The following MKI67 variants were observed in gnomAD, a reference collection of about 807,000 sequenced individuals.
MKI67 encodes the protein marker of proliferation Ki-67.
A neutral mutation model predicts 233.5 loss-of-function variants in MKI67; 152 were observed. That is an observed-to-expected ratio of 0.65 (90% CI 0.57 to 0.74). The LOEUF (loss-of-function observed/expected upper bound fraction) is 0.74, where lower values mean the gene tolerates loss of function less well. Among genes scored for constraint, MKI67 ranks in the 30% least tolerant of loss-of-function variants. The pLI, the probability that MKI67 is intolerant of heterozygous loss-of-function variation, is 0.00. For missense variants in MKI67, 3,940 were observed against 3,885.2 expected, an observed-to-expected ratio of 1.01 and a Z score of -0.37; for synonymous variants, 1,465 against 1,418.5, an observed-to-expected ratio of 1.03 and a Z score of -0.74.
Position 128,111,949 on chromosome 10 carries a change from T to C in MKI67, c.2066A>G (p.Gln689Arg), listed in dbSNP as rs374391024. 1.1e-4 allele frequency: 177 copies of C among 1,612,330 alleles called. No individual in the cohort carries two copies. Among genetic ancestry groups the C allele is most frequent in the South Asian group, 1.4e-4 (13 of 90,448 alleles). ...HGPQRSMNKR[Q>R]RRPATPKKPV... ...TACCTTTGGAGTAGCAGGTCTTCTT[T>C]GCCTTTTGTTCATTGACCTTTGAGG... is the stretch of plus-strand genomic sequence containing the variant. Residue 689 changes from glutamine to arginine, a missense_variant, in exon 10 of 15, where the codon CAA (glutamine) becomes CGA (arginine). Gln to Arg is a conservative substitution (Grantham distance 43). Coordinates refer to ENST00000368654, the MANE Select transcript of MKI67 (RefSeq NM_002417.5).
Position 128,106,936 on chromosome 10 carries a change from G to A in MKI67, c.4904C>T (p.Thr1635Ile). 1 of 1,613,996 alleles carries A rather than the reference G, an allele frequency of 6.2e-7. No homozygotes were observed. Among genetic ancestry groups the A allele is most frequent in the Non-Finnish European group, 8.5e-7 (1 of 1,180,004 alleles). Residue 1635 changes from threonine to isoleucine, a missense_variant, in exon 13 of 15, where the codon ACA becomes ATA. Transcript: ENST00000368654. ...NPASSKRRLK[T>I]SLGKVGVKEE... ...TTTCACGCCCACTTTCCCCAGGGAT[G>A]TCTTGAGCCGTCGCTTGGAGCTTGC...
At chr10:128,099,490 A>C (rs1432960093) in intron 14 of MKI67, among the ~76,000 whole-genome samples, 2 of 152,220 alleles carry the variant, frequency 1.3e-5, no homozygotes, top group African/African-American at 4.8e-5. Context: ...TGATCTTTTC[A>C]TACAGAAGTT....
Position 128,104,061 on chromosome 10 carries a change from T to C in MKI67, c.7779A>G (p.Leu2593=). ...TCTTTGTGCTCGTGGCAGTGTCTGT[T>C]AGTTCTGGTGGGGGAGATTTGCAGG... ...KIPCKSPPPE[L]TDTATSTKRC... The change falls in exon 13 of 15, where the codon CTA becomes CTG. Residue 2593 remains leucine, a synonymous_variant. Transcript: ENST00000368654. 6.2e-7 allele frequency: 1 copy of C among 1,613,970 alleles called. No individual in the cohort carries two copies. Among genetic ancestry groups the C allele is most frequent in the Non-Finnish European group, 8.5e-7 (1 of 1,180,010 alleles).
Position 128,106,329 on chromosome 10 carries a change from C to G in MKI67, c.5511G>C (p.Glu1837Asp), listed in dbSNP as rs200104961. Residue 1837 changes from glutamate to aspartate, a missense_variant, in exon 13 of 15, where the codon GAG becomes GAC. Physicochemically the swap from Glu to Asp is conservative, Grantham distance 45. Coordinates refer to ENST00000368654, the MANE Select transcript of MKI67 (RefSeq NM_002417.5). ...QALEELTGFR[E>D]LFQTPCTDNP... ...TATCAGTGCATGGTGTCTGGAAAAG[C>G]TCTCTGAAGCCAGTCAGTTCTTCTA... 1.5e-5 allele frequency: 24 copies of G among 1,613,696 alleles called. No individual in the cohort carries two copies. The highest frequency in any genetic ancestry group is 2.0e-5 in the Non-Finnish European group (24 of 1,179,984).
chr10:128,106,614 T>G lies in MKI67; in HGVS notation c.5226A>C (p.Pro1742=). 6.2e-7 allele frequency: 1 copy of G among 1,614,248 alleles called. No individual in the cohort carries two copies. Among genetic ancestry groups the G allele is most frequent in the Non-Finnish European group, 8.5e-7 (1 of 1,180,040 alleles). Residue 1742 remains proline (P), a synonymous_variant, in exon 13 of 15, where the codon CCA becomes CCC. Coordinates refer to ENST00000368654, the MANE Select transcript of MKI67 (RefSeq NM_002417.5). The part of the protein sequence containing the change: ...TTKVSYRASQ[P]DLVDTPTSSK... ...AGCTTGTTGGGGTGTCCACTAGGTC[T>G]GGCTGTGAAGCTCTGTAGGATACTT...
chr10:128,124,091 T>C (rs1853007987), intron 2 of MKI67, among the ~76,000 whole-genome samples: 1 of 152,152 alleles, frequency 6.6e-6, no homozygotes, highest in Non-Finnish European at 1.5e-5. Context: ...AATTATAAAA[T>C]CTTGCATGAA....
chr10:128,110,320 A>G (rs1225280624), intron 12 of MKI67, 58 bp downstream of exon 12: 1 of 1,333,374 alleles, frequency 7.5e-7, no homozygotes, highest in Non-Finnish European at 1.0e-6. Flanking sequence ...TTGTAAAAAA[A>G]TAATACTGTA....
chr10:128,101,899 G>A (rs1464190842), intron 13 of MKI67, among the ~76,000 whole-genome samples, 198 bp from the exon 14 acceptor site: 1 of 152,168 alleles, frequency 6.6e-6, no homozygotes, highest in Non-Finnish European at 1.5e-5. Flanking sequence ...AGAAATGACT[G>A]TCTCTGCTGA....
At chr10:128,122,319 C>A (rs1195809700) in intron 4 of MKI67, among the ~76,000 whole-genome samples, 1 of 152,106 alleles carries the variant, frequency 6.6e-6, no homozygotes, top group African/African-American at 2.4e-5. Flanking sequence ...TCCCTAATCT[C>A]CACTTATAAT....
chr10:128,106,710 C>G lies in MKI67; in HGVS notation c.5130G>C (p.Leu1710=). The change falls in exon 13 of 15, where the codon CTG becomes CTC. Residue 1710 remains leucine (L), a synonymous_variant. Coordinates refer to ENST00000368654, the MANE Select transcript of MKI67 (RefSeq NM_002417.5). ...PKGKSEVPED[L]AGFIELFQTP... is the part of the protein sequence containing the mutation. Reference sequence around the variant, plus strand: ...TCTGGAAGAGCTCGATGAAGCCGGCCAGGTCTTCAGGGACTTCAGACTTTC... The same window carrying G: ...TCTGGAAGAGCTCGATGAAGCCGGCGAGGTCTTCAGGGACTTCAGACTTTC... The G allele has an allele frequency of 1.2e-6, 2 of 1,614,082 alleles. No individual in the cohort carries two copies. The highest frequency in any genetic ancestry group is 2.2e-5 in the South Asian group (2 of 91,082).
rs761164595 is a variant in MKI67 at position 128,106,836 on chromosome 10, T to G, written c.5004A>C (p.Gly1668=). ...ETTHTHTEPT[G]DGKSMKAFME... Reference sequence around the variant, plus strand: ...TAAATGCTTTCATGCTCTTACCATCTCCTGTTGGCTCTGTGTGTGTGTGTG... The same window carrying G: ...TAAATGCTTTCATGCTCTTACCATCGCCTGTTGGCTCTGTGTGTGTGTGTG... The change falls in exon 13 of 15, where the codon GGA becomes GGC. Residue 1668 remains glycine, a synonymous_variant. Coordinates refer to ENST00000368654, the MANE Select transcript of MKI67 (RefSeq NM_002417.5). The G allele has an allele frequency of 1.2e-6, 2 of 1,614,160 alleles. No individual in the cohort carries two copies. The highest frequency in any genetic ancestry group is 1.1e-5 in the South Asian group (1 of 91,090).
chr10:128,103,719 T>C lies in MKI67; in HGVS notation c.8121A>G (p.Glu2707=), dbSNP rs748326017. The C allele has an allele frequency of 6.2e-7, 1 of 1,614,108 alleles. No homozygotes were observed. Among genetic ancestry groups the C allele is most frequent in the Non-Finnish European group, 8.5e-7 (1 of 1,180,022 alleles). Residue 2707 remains glutamate, a synonymous_variant, in exon 13 of 15, where the codon GAA becomes GAG. Coordinates refer to ENST00000368654, the MANE Select transcript of MKI67 (RefSeq NM_002417.5). The stretch of plus-strand genomic sequence containing the variant: ...TGTCTACCACTTCTAGTGGGGGAGA[T>C]TCGCAGGGTATTTTAGTGGCTTTGC... ...TAGKATKIPC[E]SPPLEVVDTT...
Position 128,115,848 on chromosome 10 carries a change from T to A in MKI67, c.560A>T (p.His187Leu). ...TGCATTTCTGCCATTACGTCCAGCATGTTCTGAGGAATGAACATTAGTTGT... is the reference window on the plus strand; with the variant it reads ...TGCATTTCTGCCATTACGTCCAGCAAGTTCTGAGGAATGAACATTAGTTGT... Reference protein sequence around the residue: ...QGTTNVHSSEHAGRNGRNAAD... With the variant: ...QGTTNVHSSELAGRNGRNAAD... The change falls in exon 7 of 15, where the codon CAT becomes CTT. Residue 187 changes from histidine (H) to leucine (L), a missense_variant. Physicochemically the swap from His to Leu is moderately conservative, Grantham distance 99 (BLOSUM62 -3). Transcript: ENST00000368654. The A allele has an allele frequency of 6.2e-7, 1 of 1,608,878 alleles. No homozygotes were observed. The highest frequency in any genetic ancestry group is 1.1e-5 in the South Asian group (1 of 91,078).
rs1831762148 is a variant in MKI67 at position 128,098,993 on chromosome 10, A to G, written c.*197T>C. On this transcript the variant is annotated 3_prime_UTR_variant, in exon 15 of 15. Transcript: ENST00000368654. ...TTCACAAAGCCCCCGGTGTTCAACT[A>G]TTCTCAGTCCAGGAGCCCAGCAGTG... The G allele has an allele frequency of 4.4e-6, 2 of 455,264 alleles. No individual in the cohort carries two copies. The highest frequency in any genetic ancestry group is 7.8e-6 in the Non-Finnish European group (2 of 257,084). 28.2% of individuals were successfully genotyped at this position (455,264 alleles called of 1,614,324 possible).
At chr10:128,099,671 A>G (rs2857037) in intron 14 of MKI67, among the ~76,000 whole-genome samples, 77,787 of 152,110 alleles carry the variant, frequency 0.51, 19,971 homozygotes, top group Admixed American at 0.56. Flanking sequence ...TGCATGCAGG[A>G]GACCTGCCTT....
At chr10:128,113,140 G>T (rs1013692562) in intron 8 of MKI67, among the ~76,000 whole-genome samples, 2 of 152,154 alleles carry the variant, frequency 1.3e-5, no homozygotes, top group African/African-American at 4.8e-5. Flanking sequence ...GTGCCTGCAG[G>T]TGATTACGCA....
chr10:128,119,201 T>A, intron 5 of MKI67, 52 bp downstream of exon 5: 1 of 1,286,366 alleles, frequency 7.8e-7, no homozygotes, highest in Non-Finnish European at 1.1e-6. Context: ...CATACATAAA[T>A]GATTTCATAT....
intron 11 of MKI67, among the ~76,000 whole-genome samples, chr10:128,111,214 T>C (rs967068759): frequency 4.6e-5 from 7 of 152,208 alleles, no homozygotes; most frequent in African/African-American, 1.7e-4. Context: ...AATCTTCTCA[T>C]AGGGCTTTCT....
At chr10:128,102,489 C>A in intron 13 of MKI67, 90 bp downstream of exon 13, 1 of 1,484,052 alleles carries the variant, frequency 6.7e-7, no homozygotes, top group Non-Finnish European at 9.1e-7. Flanking sequence ...AGGATAACCA[C>A]TTATAACGTC....
Sources: allele counts gnomAD v4.1 joint callset (sites outside exome capture counted in the v4.1 genomes callset), GRCh38; gene constraint gnomAD v4.1.1; transcripts MANE v1.5; gene names NCBI Gene and HGNC (gene_info 2026-07-23, HGNC 2026-07-21).